ROS1: variants seen among roughly 807,000 people sequenced by gnomAD.
The protein encoded by ROS1 is ROS proto-oncogene 1, receptor tyrosine kinase.
Under a neutral mutation model 273.5 loss-of-function variants are expected in ROS1, and 263 were observed. The observed-to-expected ratio is 0.96, with a 90% CI of 0.87 to 1.06. The LOEUF (loss-of-function observed/expected upper bound fraction) is 1.06. Ranked by LOEUF, ROS1 falls within the 50% of genes least tolerant of loss-of-function variation. The pLI, the probability that ROS1 is intolerant of heterozygous loss-of-function variation, is 0.00. For synonymous variants in ROS1, 1,008 were observed against 954.1 expected (o/e 1.06, Z -1.04); for missense variants, 2,833 against 2,751.1 (o/e 1.03, Z -0.67).
intron 7 of ROS1, among the ~76,000 whole-genome samples, chr6:117,397,504 T>TA (rs1562363936): frequency 6.6e-6 from 1 of 151,948 alleles, no homozygotes; most frequent in Non-Finnish European, 1.5e-5. Flanking sequence ...TCGACGAGTT[T>TA]AAAAAAAAGT....
At position 117,344,144 on chromosome 6, in the gene ROS1, G is replaced by T. The variant is rs1240801198; in HGVS notation, c.4422C>A (p.Ile1474=). The T allele has an allele frequency of 2.5e-6, 4 of 1,613,846 alleles. No homozygotes were observed. Among genetic ancestry groups the T allele is most frequent in the Non-Finnish European group, 2.5e-6 (3 of 1,179,804 alleles). ...CCAGGTATGTTGGAGTAGGGCTGGTGATGCCATACCATGTGAGGTTTGTCT... is the reference window on the plus strand; with the variant it reads ...CCAGGTATGTTGGAGTAGGGCTGGTTATGCCATACCATGTGAGGTTTGTCT... The part of the protein sequence containing the change: ...LAKTNLTWYG[I]TSPTPTYLVY... Residue 1474 remains isoleucine (I), a synonymous_variant, in exon 28 of 44, where the codon ATC becomes ATA. Transcript: ENST00000368507.
chr6:117,315,350 A>G (rs1775844315), intron 39 of ROS1, among the ~76,000 whole-genome samples: 1 of 152,068 alleles, frequency 6.6e-6, no homozygotes, highest in Admixed American at 6.5e-5. Flanking sequence ...ATTATCAAAG[A>G]GACAATGAAA....
intron 35 of ROS1, 26 bp downstream of exon 35, chr6:117,324,306 T>C: frequency 9.1e-7 from 1 of 1,096,998 alleles, no homozygotes; most frequent in Admixed American, 2.0e-5. Flanking sequence ...GTTTGTTGCC[T>C]ATTTTAAAAA....
chr6:117,416,903 C>T (rs1010677731), intron 2 of ROS1, among the ~76,000 whole-genome samples: 2 of 152,106 alleles, frequency 1.3e-5, no homozygotes, highest in African/African-American at 4.8e-5. Context: ...TTGACCATTC[C>T]CTCCACAGGC....
intron 35 of ROS1, among the ~76,000 whole-genome samples, chr6:117,322,726 A>C (rs1237825260): frequency 6.6e-6 from 1 of 152,180 alleles, no homozygotes; most frequent in Non-Finnish European, 1.5e-5. Context: ...TGTTATTTTA[A>C]TTACTCAATC....
chr6:117,394,450 G>T lies in ROS1; in HGVS notation c.1007-104C>A, dbSNP rs79460962. ...ATTTAATGATTAATAAATTAAAATA[G>T]AAGTATTTTATTTTAAAAGAAAATA... On this transcript the variant is annotated intron_variant, in intron 10 of 43. Coordinates refer to ENST00000368507, the MANE Select transcript of ROS1 (RefSeq NM_001378902.1). 2,653 of 832,960 alleles carry T rather than the reference G, an allele frequency of 3.2e-3. 50 individuals are homozygous for T. In the East Asian group the frequency reaches 0.053, roughly 17 times the overall value. 51.6% of individuals were successfully genotyped at this position (832,960 alleles called of 1,614,324 possible).
At chr6:117,352,019 A>C (rs1778904198) in intron 27 of ROS1, among the ~76,000 whole-genome samples, 1 of 152,208 alleles carries the variant, frequency 6.6e-6, no homozygotes, top group South Asian at 2.1e-4. Context: ...TTAATTTAGA[A>C]TGATATTTGC....
chr6:117,384,222 C>A (rs999874265), intron 16 of ROS1, among the ~76,000 whole-genome samples: 2 of 152,110 alleles, frequency 1.3e-5, no homozygotes, highest in African/African-American at 2.4e-5. Context: ...ACATCTTTGG[C>A]ACTTATGAAT....
chr6:117,417,658 C>T (rs570201289), intron 2 of ROS1, among the ~76,000 whole-genome samples: 1 of 152,270 alleles, frequency 6.6e-6, no homozygotes, highest in African/African-American at 2.4e-5. Context: ...AATGGGTCTT[C>T]CACTTCCCTA....
At position 117,425,717 on chromosome 6, in the gene ROS1, A is replaced by T. The variant is rs1004330621; in HGVS notation, c.-61T>A. ...TAATTTTCTCCATTTTGCTATATGAATTATTTGGGCTTCATCACTTCAATT... is the reference window on the plus strand; with the variant it reads ...TAATTTTCTCCATTTTGCTATATGATTTATTTGGGCTTCATCACTTCAATT... On this transcript the variant is annotated 5_prime_UTR_variant, in exon 1 of 44. Coordinates refer to ENST00000368507, the MANE Select transcript of ROS1 (RefSeq NM_001378902.1). 1.1e-5 allele frequency: 17 copies of T among 1,580,954 alleles called. No homozygotes were observed. The South Asian group carries it at 1.9e-4, about 18-fold the overall frequency.
At chr6:117,341,966 T>C (rs1777967453) in intron 29 of ROS1, among the ~76,000 whole-genome samples, 1 of 152,162 alleles carries the variant, frequency 6.6e-6, no homozygotes, top group South Asian at 2.1e-4. Context: ...TCATCAGCTC[T>C]TAGAAAACCT....
At chr6:117,381,041 G>T (rs1772086692) in intron 17 of ROS1, among the ~76,000 whole-genome samples, 1 of 152,040 alleles carries the variant, frequency 6.6e-6, no homozygotes, top group African/African-American at 2.4e-5. Flanking sequence ...GAGCTTTGCT[G>T]GATGCAAAAT....
At chr6:117,340,646 T>C (rs113837162) in intron 31 of ROS1, among the ~76,000 whole-genome samples, 5 of 152,156 alleles carry the variant, frequency 3.3e-5, no homozygotes, top group Non-Finnish European at 7.4e-5. Flanking sequence ...GTGAAAAGTT[T>C]TGGATGAGGA....
chr6:117,312,129 G>A (rs117340637), intron 39 of ROS1, among the ~76,000 whole-genome samples: 3,034 of 152,068 alleles, frequency 0.02, 52 homozygotes, highest in South Asian at 0.034. Flanking sequence ...CGTTACACTG[G>A]TCCGATTGCA....
chr6:117,316,967 G>C (rs1055861337), intron 39 of ROS1, among the ~76,000 whole-genome samples, 176 bp downstream of exon 39: 6 of 152,120 alleles, frequency 3.9e-5, no homozygotes, highest in African/African-American at 1.4e-4. Context: ...GAAAGTGCCA[G>C]AATGTTAGCC....
intron 26 of ROS1, among the ~76,000 whole-genome samples, chr6:117,355,867 T>C (rs1014421530): frequency 6.6e-6 from 1 of 152,166 alleles, no homozygotes; most frequent in African/African-American, 2.4e-5. Flanking sequence ...CACCTCGGCC[T>C]TCCAAAGTGC....
At chr6:117,410,736 G>T (rs1774836772) in intron 4 of ROS1, among the ~76,000 whole-genome samples, 1 of 152,080 alleles carries the variant, frequency 6.6e-6, no homozygotes. Flanking sequence ...CAATACATTT[G>T]CCCTAAAAAG....
chr6:117,385,235 T>A (rs1474025324), intron 16 of ROS1, among the ~76,000 whole-genome samples: 20 of 152,176 alleles, frequency 1.3e-4, no homozygotes, highest in Admixed American at 1.3e-3. Context: ...TGATAACAAA[T>A]TTAATTTACA....
At chr6:117,418,571 C>A in intron 1 of ROS1, 65 bp from the exon 2 acceptor site, 3 of 1,228,566 alleles carry the variant, frequency 2.4e-6, no homozygotes, top group Non-Finnish European at 3.4e-6. Context: ...ACTAACACAC[C>A]TTTTAAAAAA....
Sources: gnomAD v4.1 joint callset for allele counts (sites outside exome capture counted in the v4.1 genomes callset) on GRCh38, gnomAD v4.1.1 for gene constraint, MANE v1.5 for transcripts, NCBI Gene and HGNC (gene_info 2026-07-23, HGNC 2026-07-21) for gene names.